Variants in HS3ST5 observed in about 807,000 individuals in gnomAD.
HS3ST5 encodes the protein heparan sulfate glucosamine 3-O-sulfotransferase 5.
A neutral mutation model predicts 25.4 loss-of-function variants in HS3ST5; 10 were observed. That is an observed-to-expected ratio of 0.39 (90% CI 0.24 to 0.67). The LOEUF (loss-of-function observed/expected upper bound fraction) is 0.67. Ranked by LOEUF, HS3ST5 falls within the 30% of genes least tolerant of loss-of-function variation. HS3ST5 has a pLI of 0.44. For missense variants in HS3ST5, 324 were observed against 420.7 expected (o/e 0.77, Z 2.01); for synonymous variants, 170 against 162.4 (o/e 1.05, Z -0.36).
At chr6:114,204,498 A>G (rs894075591) in intron 2 of HS3ST5, among the ~76,000 whole-genome samples, 1 of 152,188 alleles carries the variant, frequency 6.6e-6, no homozygotes, top group Admixed American at 6.5e-5. Flanking sequence ...ATAATACTAT[A>G]GACATCTCTG....
chr6:114,137,226 C>A (rs1777663586), intron 3 of HS3ST5, among the ~76,000 whole-genome samples: 2 of 152,114 alleles, frequency 1.3e-5, no homozygotes, highest in South Asian at 4.1e-4. Context: ...TTTCTTCTCC[C>A]CCCCGCAAAC....
At chr6:114,209,228 G>A (rs1781404885) in intron 2 of HS3ST5, among the ~76,000 whole-genome samples, 1 of 151,688 alleles carries the variant, frequency 6.6e-6, no homozygotes, top group Non-Finnish European at 1.5e-5. Context: ...ATTAAGCAAA[G>A]TTTCATTAAG....
At chr6:114,259,516 T>C (rs1436761442) in intron 1 of HS3ST5, among the ~76,000 whole-genome samples, 1 of 152,226 alleles carries the variant, frequency 6.6e-6, no homozygotes, top group Non-Finnish European at 1.5e-5. Context: ...TTAAAATCTA[T>C]TGACTGATCC....
rs1163155888 is a variant in HS3ST5, at chr6:114,283,494, CTAT to C, written c.-338-54719_-338-54717del. Among the ~76,000 whole-genome samples the C allele has an allele frequency of 3.2e-4, 49 of 152,000 alleles. No homozygotes were observed. In the East Asian group the frequency reaches 3.5e-3, roughly 11 times the overall value. On this transcript the variant is annotated intron_variant, in intron 1 of 4. Transcript: ENST00000312719. ...AGTAATATAAATTAACATATTTTTG[CTAT>C]TATTATTTTTTCATGTCATAAAATA...
At position 114,057,187 on chromosome 6, in the gene HS3ST5, G is replaced by C. The variant is rs938244995; in HGVS notation, c.*70C>G. Reference sequence around the variant, plus strand: ...TTGGATAGCTCTGCCTAGGAAAAGTGCATATTTTAATCTACAGGAGACATT... The same window carrying C: ...TTGGATAGCTCTGCCTAGGAAAAGTCCATATTTTAATCTACAGGAGACATT... On this transcript the variant is annotated 3_prime_UTR_variant, in exon 5 of 5. Transcript: ENST00000312719. The C allele has an allele frequency of 9.1e-7, 1 of 1,102,682 alleles. No individual in the cohort carries two copies. The highest frequency in any genetic ancestry group is 2.2e-5 in the Admixed American group (1 of 45,696). The allele number at this position is 1,102,682 out of a possible 1,614,324, so 68.3% of individuals were successfully genotyped here.
At chr6:114,077,887 T>C (rs1394279493) in intron 3 of HS3ST5, among the ~76,000 whole-genome samples, 1 of 152,216 alleles carries the variant, frequency 6.6e-6, no homozygotes, top group Non-Finnish European at 1.5e-5. Context: ...CTTCATTTCA[T>C]TGTAGTTTTC....
intron 3 of HS3ST5, among the ~76,000 whole-genome samples, chr6:114,164,299 A>G (rs1779107767): frequency 6.6e-6 from 1 of 152,230 alleles, no homozygotes; most frequent in African/African-American, 2.4e-5. Flanking sequence ...CCCCCAAATT[A>G]GCCATTTGTT....
At chr6:114,139,056 A>G (rs543094063) in intron 3 of HS3ST5, among the ~76,000 whole-genome samples, 19 of 152,288 alleles carry the variant, frequency 1.2e-4, no homozygotes, top group Admixed American at 3.9e-4. Context: ...AGGGACAAAA[A>G]TATTCAATCT....
chr6:114,058,262 C>T (rs1772892683), intron 4 of HS3ST5, 72 bp from the exon 5 acceptor site: 1 of 1,183,062 alleles, frequency 8.5e-7, no homozygotes, highest in Admixed American at 2.4e-5. Context: ...CCAGTCAGAC[C>T]AAGACTTTAA....
At chr6:114,302,892 T>C (rs972091883) in intron 1 of HS3ST5, among the ~76,000 whole-genome samples, 5 of 152,216 alleles carry the variant, frequency 3.3e-5, no homozygotes, top group Admixed American at 1.3e-4. Flanking sequence ...TTGTGAGTTG[T>C]TTGCCCACAT....
At chr6:114,305,302 T>C (rs1480800167) in intron 1 of HS3ST5, among the ~76,000 whole-genome samples, 2 of 152,162 alleles carry the variant, frequency 1.3e-5, no homozygotes, top group African/African-American at 4.8e-5. Flanking sequence ...AATACTTTTT[T>C]CTAATTCTAA....
At chr6:114,092,367 T>G (rs1453128141) in intron 3 of HS3ST5, among the ~76,000 whole-genome samples, 2 of 152,194 alleles carry the variant, frequency 1.3e-5, no homozygotes, top group South Asian at 4.1e-4. Flanking sequence ...CTGAATATGA[T>G]GAGCTCAGCA....
chr6:114,086,484 T>G (rs959271582), intron 3 of HS3ST5, among the ~76,000 whole-genome samples: 2 of 152,106 alleles, frequency 1.3e-5, no homozygotes, highest in African/African-American at 2.4e-5. Context: ...ACCACAAGAA[T>G]GAACTTGGAA....
rs138129503 is a variant in HS3ST5, at chr6:114,166,426, G to C, written c.-33+1925C>G. On this transcript the variant is annotated intron_variant, in intron 3 of 4. Transcript: ENST00000312719. ...TAGACAATAAAGAGATTCCAAGAGT[G>C]GCTGGCATGCTCCATTTAGCCAAGG... Among the ~76,000 whole-genome samples the C allele has an allele frequency of 2.9e-3, 445 of 152,246 alleles. 1 individual carries two copies. Among genetic ancestry groups the C allele is most frequent in the Non-Finnish European group, 5.1e-3 (347 of 67,994 alleles).
intron 3 of HS3ST5, among the ~76,000 whole-genome samples, chr6:114,097,388 A>G (rs1005671240): frequency 1.3e-5 from 2 of 152,022 alleles, no homozygotes; most frequent in Non-Finnish European, 2.9e-5. Flanking sequence ...AAACTTGTTT[A>G]ACAACTTTTC....
chr6:114,057,239 G>T lies in HS3ST5; in HGVS notation c.*18C>A, dbSNP rs1189221752. ...TGTGTCTCCAGGCACAACACATAGT[G>T]TTGTATGACATATTATTTTAGGGCC... On this transcript the variant is annotated 3_prime_UTR_variant, in exon 5 of 5. Coordinates refer to ENST00000312719, the MANE Select transcript of HS3ST5 (RefSeq NM_153612.4). The T allele has an allele frequency of 1.3e-5, 20 of 1,555,888 alleles. No homozygotes were observed. The highest frequency in any genetic ancestry group is 1.7e-5 in the Non-Finnish European group (19 of 1,130,408).
chr6:114,147,234 A>G (rs1044783654), intron 3 of HS3ST5, among the ~76,000 whole-genome samples: 2 of 152,134 alleles, frequency 1.3e-5, no homozygotes, highest in African/African-American at 4.8e-5. Flanking sequence ...GAAAACACAT[A>G]GTTATTTGGC....
chr6:114,147,689 T>C (rs549465517), intron 3 of HS3ST5, among the ~76,000 whole-genome samples: 1 of 152,252 alleles, frequency 6.6e-6, no homozygotes, highest in South Asian at 2.1e-4. Context: ...CAAGTGATCC[T>C]CCTGCCTCAG....
chr6:114,262,014 C>G (rs2114670233), intron 1 of HS3ST5, among the ~76,000 whole-genome samples: 2 of 152,212 alleles, frequency 1.3e-5, no homozygotes, highest in South Asian at 4.2e-4. Flanking sequence ...GTATTGTTTT[C>G]AATGCAATTT....
Sources: gnomAD v4.1 joint callset for allele counts (sites outside exome capture counted in the v4.1 genomes callset) on GRCh38, gnomAD v4.1.1 for gene constraint, MANE v1.5 for transcripts, NCBI Gene and HGNC (gene_info 2026-07-23, HGNC 2026-07-21) for gene names.